The following MAP3K5 variants were observed in gnomAD, a reference collection of about 807,000 sequenced individuals.
The protein encoded by MAP3K5 is mitogen-activated protein kinase kinase kinase 5.
MAP3K5 carries 56 observed loss-of-function variants against 158.7 expected under a neutral mutation model. That is an observed-to-expected ratio of 0.35 (90% CI 0.28 to 0.44). The LOEUF (loss-of-function observed/expected upper bound fraction) is 0.44, where lower values mean the gene tolerates loss of function less well. Among genes scored for constraint, MAP3K5 ranks in the 20% least tolerant of loss-of-function variants. MAP3K5 has a pLI of 1.00. For missense variants in MAP3K5, 1,294 were observed against 1,674.8 expected (o/e 0.77, Z 3.97); for synonymous variants, 579 against 601.7 (o/e 0.96, Z 0.55).
chr6:136,588,597 A>G (rs1775243273), intron 23 of MAP3K5, among the ~76,000 whole-genome samples: 1 of 152,216 alleles, frequency 6.6e-6, no homozygotes, highest in South Asian at 2.1e-4. Flanking sequence ...AGCACATAGT[A>G]CAGTGCCTGG....
intron 8 of MAP3K5, among the ~76,000 whole-genome samples, chr6:136,659,686 A>G (rs1778918994): frequency 6.6e-6 from 1 of 152,226 alleles, no homozygotes; most frequent in Non-Finnish European, 1.5e-5. Flanking sequence ...TAAACGTGGA[A>G]AGCAGAATAG....
chr6:136,791,603 G>A (rs76288631), intron 1 of MAP3K5, 107 bp downstream of exon 1: 28 of 1,236,840 alleles, frequency 2.3e-5, no homozygotes, highest in Non-Finnish European at 2.0e-5. Flanking sequence ...CCCCAAAGTG[G>A]GGCAAGAAGT....
In MAP3K5 at chr6:136,698,052, C is replaced by A. The variant is rs554307884; in HGVS notation, c.806+437G>T. On this transcript the variant is annotated intron_variant, in intron 4 of 29. Transcript: ENST00000359015. ...GAGCCACGGCACTGGCCGTGATGTA[C>A]CTATGATTTGAACATAATATAACCT... Among the ~76,000 whole-genome samples the A allele has an allele frequency of 3.7e-3, 557 of 152,238 alleles. 3 individuals carry two copies. Among genetic ancestry groups the A allele is most frequent in the Non-Finnish European group, 6.3e-3 (430 of 68,010 alleles).
At chr6:136,559,090 C>T (rs1343660562) in intron 28 of MAP3K5, among the ~76,000 whole-genome samples, 5 of 152,188 alleles carry the variant, frequency 3.3e-5, no homozygotes, top group Non-Finnish European at 7.3e-5. Flanking sequence ...GTGGCTCACG[C>T]CTGTAACCCT....
chr6:136,577,157 G>A (rs1466654330), intron 25 of MAP3K5, among the ~76,000 whole-genome samples: 2 of 152,132 alleles, frequency 1.3e-5, no homozygotes, highest in Non-Finnish European at 2.9e-5. Context: ...GTTAACTATA[G>A]TATCTTGCAT....
chr6:136,628,035 A>G (rs139560580), intron 14 of MAP3K5, among the ~76,000 whole-genome samples: 262 of 152,350 alleles, frequency 1.7e-3, no homozygotes, highest in African/African-American at 6.0e-3. Flanking sequence ...TTAGAAAAGA[A>G]CTAGATCCCA....
intron 15 of MAP3K5, among the ~76,000 whole-genome samples, chr6:136,614,888 T>G (rs1776498109): frequency 6.6e-6 from 1 of 152,200 alleles, no homozygotes; most frequent in Non-Finnish European, 1.5e-5. Flanking sequence ...TTGAGCCCCT[T>G]GCGTCAAAAT....
At chr6:136,661,707 C>A (rs1779013961) in intron 8 of MAP3K5, among the ~76,000 whole-genome samples, 2 of 152,064 alleles carry the variant, frequency 1.3e-5, no homozygotes, top group African/African-American at 4.8e-5. Flanking sequence ...TTTGTAGTTT[C>A]TACTTTTTAT....
intron 7 of MAP3K5, among the ~76,000 whole-genome samples, chr6:136,688,860 T>C (rs1177371464): frequency 6.6e-6 from 1 of 152,186 alleles, no homozygotes; most frequent in African/African-American, 2.4e-5. Context: ...CATTGTCACA[T>C]ACGAAAGCAT....
chr6:136,647,684 T>C (rs1359179930), intron 11 of MAP3K5: 4 of 152,312 alleles, frequency 2.6e-5, no homozygotes, highest in Non-Finnish European at 5.9e-5. Flanking sequence ...GAACGTCCCA[T>C]GCTTGCTTTC....
chr6:136,762,843 C>T (rs1159831228), intron 1 of MAP3K5, among the ~76,000 whole-genome samples: 1 of 152,164 alleles, frequency 6.6e-6, no homozygotes, highest in Non-Finnish European at 1.5e-5. Flanking sequence ...CCATTGCTAC[C>T]CTTGTACTCT....
chr6:136,770,580 A>C (rs1371484107), intron 1 of MAP3K5, among the ~76,000 whole-genome samples: 1 of 152,198 alleles, frequency 6.6e-6, no homozygotes. Context: ...GTAAAAATAA[A>C]ATATATTAAA....
At chr6:136,624,586 A>G (rs988947011) in intron 14 of MAP3K5, among the ~76,000 whole-genome samples, 5 of 152,218 alleles carry the variant, frequency 3.3e-5, no homozygotes, top group African/African-American at 4.8e-5. Context: ...CAAAGAACTG[A>G]TATCATAAAG....
chr6:136,722,350 T>C (rs1309950194), intron 1 of MAP3K5, among the ~76,000 whole-genome samples: 3 of 152,326 alleles, frequency 2.0e-5, no homozygotes, highest in Middle Eastern at 3.4e-3. Flanking sequence ...TAAAAATATA[T>C]GCAATATGTG....
intron 10 of MAP3K5, among the ~76,000 whole-genome samples, chr6:136,652,905 A>C (rs1267933052): frequency 6.6e-6 from 1 of 152,278 alleles, no homozygotes; most frequent in Non-Finnish European, 1.5e-5. Flanking sequence ...AAAGGCTGGG[A>C]AACAGACCAG....
At chr6:136,580,495 AAAC>A (rs1394281743) in intron 24 of MAP3K5, 89 bp from the exon 25 acceptor site, 1 of 710,374 alleles carries the variant, frequency 1.4e-6, no homozygotes, top group Non-Finnish European at 2.4e-6. Flanking sequence ...TCCATTTACA[AAAC>A]AACTAAAAAG....
intron 1 of MAP3K5, among the ~76,000 whole-genome samples, chr6:136,745,899 T>C (rs909771510): frequency 6.6e-6 from 1 of 152,208 alleles, no homozygotes; most frequent in Non-Finnish European, 1.5e-5. Flanking sequence ...CAAAGTCTCA[T>C]CCTAACGTTA....
intron 1 of MAP3K5, among the ~76,000 whole-genome samples, chr6:136,750,105 T>C (rs1783135985): frequency 6.6e-6 from 1 of 151,990 alleles, no homozygotes; most frequent in African/African-American, 2.4e-5. Context: ...TAAGATGGAG[T>C]CTCGTTCTGT....
intron 18 of MAP3K5, among the ~76,000 whole-genome samples, chr6:136,605,828 T>C (rs945122493): frequency 6.6e-6 from 1 of 152,260 alleles, no homozygotes; most frequent in African/African-American, 2.4e-5. Flanking sequence ...AGTTCCTAAA[T>C]TGAATGCTTT....
Sources: gnomAD v4.1 joint callset for allele counts (sites outside exome capture counted in the v4.1 genomes callset) on GRCh38, gnomAD v4.1.1 for gene constraint, MANE v1.5 for transcripts, NCBI Gene and HGNC (gene_info 2026-07-23, HGNC 2026-07-21) for gene names.